TTC29: variants seen among roughly 807,000 people sequenced by gnomAD.
TTC29 encodes the protein tetratricopeptide repeat protein 29.
TTC29 carries 49 observed loss-of-function variants against 58.1 expected under a neutral mutation model. The ratio of observed to expected loss-of-function variants is 0.84; its 90% confidence interval spans 0.67 to 1.07. The LOEUF (loss-of-function observed/expected upper bound fraction) is 1.07. Among genes scored for constraint, TTC29 ranks in the 50% least tolerant of loss-of-function variants. TTC29 has a pLI of 0.00. For missense variants in TTC29, 582 were observed against 555.6 expected, an observed-to-expected ratio of 1.05 and a Z score of -0.48; for synonymous variants, 209 against 196.8, an observed-to-expected ratio of 1.06 and a Z score of -0.52.
intron 11 of TTC29, among the ~76,000 whole-genome samples, chr4:146,713,146 G>A (rs1257489789): frequency 6.6e-6 from 1 of 150,984 alleles, no homozygotes; most frequent in African/African-American, 2.5e-5. Context: ...GTGTGTAAGA[G>A]GTGGGGGAGG....
At chr4:146,747,767 G>A (rs1380641291) in intron 11 of TTC29, among the ~76,000 whole-genome samples, 1 of 152,182 alleles carries the variant, frequency 6.6e-6, no homozygotes, top group African/African-American at 2.4e-5. Context: ...ACATAGCTGT[G>A]CTTTCTAGAG....
At chr4:146,727,871 T>C (rs1356275115) in intron 11 of TTC29, among the ~76,000 whole-genome samples, 2 of 152,236 alleles carry the variant, frequency 1.3e-5, no homozygotes, top group Admixed American at 6.5e-5. Flanking sequence ...AGCATAATTA[T>C]TGGATCATAT....
At chr4:146,776,306 C>G (rs1554012888) in intron 11 of TTC29, among the ~76,000 whole-genome samples, 1 of 152,144 alleles carries the variant, frequency 6.6e-6, no homozygotes, top group Non-Finnish European at 1.5e-5. Flanking sequence ...ACCTTTTCAG[C>G]CTGGAACCAT....
intron 5 of TTC29, among the ~76,000 whole-genome samples, chr4:146,907,058 G>A (rs919737514): frequency 1.3e-5 from 2 of 152,194 alleles, no homozygotes; most frequent in African/African-American, 2.4e-5. Context: ...GAAGAAGGAG[G>A]TTGCAGTGAG....
intron 11 of TTC29, among the ~76,000 whole-genome samples, chr4:146,728,772 CACAT>C (rs1744003907): frequency 1.6e-5 from 2 of 124,486 alleles, no homozygotes; most frequent in African/African-American, 6.3e-5. Flanking sequence ...CATATATATA[CACAT>C]ATATATGTGT....
intron 11 of TTC29, among the ~76,000 whole-genome samples, chr4:146,713,239 G>A (rs914712010): frequency 4.6e-5 from 7 of 151,440 alleles, no homozygotes; most frequent in Non-Finnish European, 7.4e-5. Context: ...TGGTTTGAGC[G>A]TCAACATATT....
At chr4:146,844,229 C>T (rs914626141) in intron 8 of TTC29, among the ~76,000 whole-genome samples, 1 of 152,140 alleles carries the variant, frequency 6.6e-6, no homozygotes, top group Non-Finnish European at 1.5e-5. Flanking sequence ...CTTTAAACAT[C>T]CAACAGGCAG....
intron 11 of TTC29, among the ~76,000 whole-genome samples, chr4:146,714,399 T>C (rs1174943983): frequency 6.6e-6 from 1 of 151,986 alleles, no homozygotes; most frequent in Non-Finnish European, 1.5e-5. Context: ...AAGATGAACA[T>C]ATTATCAGTA....
chr4:146,807,680 C>A (rs1750711753), intron 10 of TTC29, among the ~76,000 whole-genome samples: 1 of 152,162 alleles, frequency 6.6e-6, no homozygotes, highest in Admixed American at 6.5e-5. Context: ...CCTCCCAAGA[C>A]TATACCAGGA....
intron 8 of TTC29, among the ~76,000 whole-genome samples, chr4:146,850,483 T>C (rs1729448123): frequency 1.3e-5 from 2 of 152,344 alleles, no homozygotes; most frequent in African/African-American, 4.8e-5. Flanking sequence ...TGTCCTATTG[T>C]GGATTGACCA....
intron 11 of TTC29, among the ~76,000 whole-genome samples, chr4:146,718,758 G>T (rs1561056489): frequency 6.6e-6 from 1 of 151,918 alleles, no homozygotes; most frequent in Non-Finnish European, 1.5e-5. Context: ...CACTTTTGGG[G>T]TCAAATCTAA....
chr4:146,860,190 A>G (rs1009278599), intron 8 of TTC29, among the ~76,000 whole-genome samples: 7 of 152,192 alleles, frequency 4.6e-5, no homozygotes, highest in African/African-American at 1.7e-4. Flanking sequence ...GAAAGCAACT[A>G]AATGGAAACA....
chr4:146,764,115 A>G (rs1033006464), intron 11 of TTC29: 2 of 152,100 alleles, frequency 1.3e-5, no homozygotes, highest in Admixed American at 1.3e-4. Context: ...AAAGTTTAAC[A>G]TATGGATTTG....
intron 4 of TTC29, among the ~76,000 whole-genome samples, chr4:146,920,630 T>C (rs183854756): frequency 1.1e-3 from 152 of 144,618 alleles, no homozygotes; most frequent in African/African-American, 4.0e-3. Flanking sequence ...AAAAAGTATA[T>C]ACACTTATAA....
intron 11 of TTC29, among the ~76,000 whole-genome samples, chr4:146,711,901 T>C (rs1219548722): frequency 6.6e-6 from 1 of 152,070 alleles, no homozygotes; most frequent in Non-Finnish European, 1.5e-5. Flanking sequence ...TATAATATGA[T>C]TTTACAAGGC....
chr4:146,912,952 G>T (rs1020602308), intron 4 of TTC29, among the ~76,000 whole-genome samples: 1 of 152,166 alleles, frequency 6.6e-6, no homozygotes, highest in Admixed American at 6.5e-5. Context: ...TTGGGTAATG[G>T]GTAATTAGTA....
At chr4:146,731,091 T>A (rs184048597) in intron 11 of TTC29, among the ~76,000 whole-genome samples, 1 of 152,256 alleles carries the variant, frequency 6.6e-6, no homozygotes, top group East Asian at 1.9e-4. Flanking sequence ...TATAGTACAC[T>A]GGTAGAGAAA....
intron 7 of TTC29, among the ~76,000 whole-genome samples, chr4:146,870,469 G>T (rs4274870): frequency 0.061 from 9,203 of 151,340 alleles, 378 homozygotes; most frequent in Admixed American, 0.13. Flanking sequence ...ATCAAACAGA[G>T]GGAAGGAAAT....
At chr4:146,883,756 G>A (rs1731793369) in intron 6 of TTC29, among the ~76,000 whole-genome samples, 1 of 152,038 alleles carries the variant, frequency 6.6e-6, no homozygotes, top group Non-Finnish European at 1.5e-5. Flanking sequence ...CTTTGAATGA[G>A]GCTTCCTCTC....
Sources: allele counts gnomAD v4.1 joint callset (sites outside exome capture counted in the v4.1 genomes callset), GRCh38; gene constraint gnomAD v4.1.1; transcripts MANE v1.5; gene names NCBI Gene and HGNC (gene_info 2026-07-23, HGNC 2026-07-21).